LRRTM4: variants seen among roughly 807,000 people sequenced by gnomAD.
The protein encoded by LRRTM4 is leucine rich repeat transmembrane neuronal 4.
A neutral mutation model predicts 47.6 loss-of-function variants in LRRTM4; 25 were observed. The ratio of observed to expected loss-of-function variants is 0.53; its 90% CI spans 0.38 to 0.73. LRRTM4 has a LOEUF of 0.73. Ranked by LOEUF, LRRTM4 falls within the 30% of genes least tolerant of loss-of-function variation. The probability of loss-of-function intolerance (pLI) is 0.00; values close to 1 mark genes in which losing one functional copy is unlikely to be tolerated. For missense variants in LRRTM4, 638 were observed against 713.4 expected (o/e 0.89, Z 1.20); for synonymous variants, 311 against 269.5 (o/e 1.15, Z -1.51).
chr2:77,156,708 T>A (rs1051812518), intron 3 of LRRTM4, among the ~76,000 whole-genome samples: 22 of 130,990 alleles, frequency 1.7e-4, no homozygotes, highest in Non-Finnish European at 3.3e-4. Flanking sequence ...AGCCTTCAAC[T>A]TTTTTTTTTT....
intron 3 of LRRTM4, among the ~76,000 whole-genome samples, chr2:76,878,840 C>G (rs1006609740): frequency 6.6e-6 from 1 of 151,988 alleles, no homozygotes; most frequent in Non-Finnish European, 1.5e-5. Flanking sequence ...CGCCACTGCA[C>G]TCCAGCCTGG....
At chr2:77,066,154 G>A (rs1028775794) in intron 3 of LRRTM4, among the ~76,000 whole-genome samples, 1 of 152,164 alleles carries the variant, frequency 6.6e-6, no homozygotes, top group Admixed American at 6.5e-5. Flanking sequence ...CTGGTGAGGA[G>A]CTCAGATACT....
chr2:77,334,191 T>A (rs534365376), intron 3 of LRRTM4, among the ~76,000 whole-genome samples: 1 of 152,268 alleles, frequency 6.6e-6, no homozygotes, highest in Admixed American at 6.5e-5. Context: ...GGACTTGCCT[T>A]GTCTCAGATG....
intron 3 of LRRTM4, among the ~76,000 whole-genome samples, chr2:76,920,970 C>T (rs1409791065): frequency 1.3e-5 from 2 of 152,090 alleles, no homozygotes; most frequent in African/African-American, 2.4e-5. Flanking sequence ...ACCCCTCACC[C>T]TGTTTCTCCC....
intron 3 of LRRTM4, among the ~76,000 whole-genome samples, chr2:76,964,664 CCTTA>C (rs56120126): frequency 0.25 from 37,455 of 149,552 alleles, 6,589 homozygotes; most frequent in African/African-American, 0.5. Context: ...ATCTAATCTT[CCTTA>C]CTTTAGGAAA....
intron 3 of LRRTM4, among the ~76,000 whole-genome samples, chr2:77,480,152 C>T (rs1052832017): frequency 4.6e-5 from 7 of 151,848 alleles, no homozygotes; most frequent in Non-Finnish European, 8.8e-5. Context: ...TACCATTACA[C>T]GACATTTCCT....
intron 3 of LRRTM4, among the ~76,000 whole-genome samples, chr2:77,363,682 C>T (rs890205181): frequency 1.3e-5 from 2 of 152,120 alleles, no homozygotes; most frequent in South Asian, 2.1e-4. Flanking sequence ...CTTCAAAATG[C>T]TTTCTCATTA....
At chr2:77,490,836 GT>G (rs1678125127) in intron 3 of LRRTM4, among the ~76,000 whole-genome samples, 1 of 151,876 alleles carries the variant, frequency 6.6e-6, no homozygotes, top group Non-Finnish European at 1.5e-5. Context: ...ATTTTTCTTT[GT>G]TTTAGGAAGA....
chr2:77,506,782 G>A lies in LRRTM4; in HGVS notation c.1551+11536C>T, dbSNP rs547836616. 5.9e-5 allele frequency among the ~76,000 whole-genome samples: 9 copies of A among 151,828 alleles called. No individual in the cohort carries two copies. The East Asian group carries it at 1.5e-3, about 26-fold the overall frequency. ...AGGTAATTTAAGACATTTTTGTGAC[G>A]GTGAAATGAACCATCGCAAATGTCC... On this transcript the variant is annotated intron_variant, in intron 3 of 3. Coordinates refer to ENST00000409884, the MANE Select transcript of LRRTM4 (RefSeq NM_001134745.3).
chr2:77,178,831 C>T (rs548547015), intron 3 of LRRTM4, among the ~76,000 whole-genome samples: 2 of 152,240 alleles, frequency 1.3e-5, no homozygotes, highest in South Asian at 4.1e-4. Flanking sequence ...AAAATATTTG[C>T]ACCAAAAGGT....
intron 3 of LRRTM4, among the ~76,000 whole-genome samples, chr2:76,929,824 A>G (rs765248738): frequency 5.3e-5 from 8 of 152,142 alleles, no homozygotes; most frequent in Non-Finnish European, 1.0e-4. Flanking sequence ...TACCTCATCT[A>G]TCCTATCTTT....
At chr2:76,840,025 G>T (rs1157821416) in intron 3 of LRRTM4, among the ~76,000 whole-genome samples, 2 of 152,040 alleles carry the variant, frequency 1.3e-5, no homozygotes, top group African/African-American at 4.8e-5. Flanking sequence ...ACCCCCTGCT[G>T]CCTAAATACT....
intron 3 of LRRTM4, among the ~76,000 whole-genome samples, chr2:77,358,798 T>G (rs1672068645): frequency 6.6e-6 from 1 of 152,160 alleles, no homozygotes; most frequent in Non-Finnish European, 1.5e-5. Flanking sequence ...AAAATGCATT[T>G]TCTTACTAGT....
At chr2:77,046,818 GAC>G (rs969888805) in intron 3 of LRRTM4, among the ~76,000 whole-genome samples, 25 of 151,926 alleles carry the variant, frequency 1.6e-4, no homozygotes, top group Non-Finnish European at 3.5e-4. Context: ...TCCAGAAAAA[GAC>G]AGAATGACTT....
intron 3 of LRRTM4, among the ~76,000 whole-genome samples, chr2:77,352,286 T>C (rs1322429339): frequency 1.3e-5 from 2 of 152,172 alleles, no homozygotes; most frequent in African/African-American, 2.4e-5. Flanking sequence ...ATTTTACTGA[T>C]TTGATGTATA....
At chr2:77,310,288 T>G (rs1326714789) in intron 3 of LRRTM4, among the ~76,000 whole-genome samples, 1 of 151,962 alleles carries the variant, frequency 6.6e-6, no homozygotes, top group African/African-American at 2.4e-5. Context: ...TTTTTAAAAT[T>G]TATACACAGC....
intron 3 of LRRTM4, among the ~76,000 whole-genome samples, chr2:76,766,853 A>G (rs1673476237): frequency 6.6e-6 from 1 of 152,190 alleles, no homozygotes; most frequent in South Asian, 2.1e-4. Flanking sequence ...AATGTGCAGA[A>G]TACCCTGTTA....
chr2:76,934,501 T>C (rs1035774594), intron 3 of LRRTM4, among the ~76,000 whole-genome samples: 1 of 152,210 alleles, frequency 6.6e-6, no homozygotes, highest in Non-Finnish European at 1.5e-5. Flanking sequence ...AAGACTTCAA[T>C]TTAATGGTGT....
At chr2:77,313,675 T>A (rs748783701) in intron 3 of LRRTM4, among the ~76,000 whole-genome samples, 2 of 152,170 alleles carry the variant, frequency 1.3e-5, no homozygotes, top group African/African-American at 2.4e-5. Context: ...TCAATTGTTA[T>A]GATCATCTGT....
Sources: allele counts gnomAD v4.1 joint callset (sites outside exome capture counted in the v4.1 genomes callset), GRCh38; gene constraint gnomAD v4.1.1; transcripts MANE v1.5; gene names NCBI Gene and HGNC (gene_info 2026-07-23, HGNC 2026-07-21).